The following SNRNP200 variants were observed in gnomAD, a reference collection of about 807,000 sequenced individuals.
The protein encoded by SNRNP200 is U5 small nuclear ribonucleoprotein 200 kDa helicase.
SNRNP200 carries 66 observed loss-of-function variants against 255.2 expected under a neutral mutation model. The ratio of observed to expected loss-of-function variants is 0.26; its 90% CI spans 0.21 to 0.32. SNRNP200 has a LOEUF of 0.32. Among genes scored for constraint, SNRNP200 ranks in the 10% least tolerant of loss-of-function variants. SNRNP200 has a pLI of 1.00. For synonymous variants in SNRNP200, 939 were observed against 1,027.8 expected, an observed-to-expected ratio of 0.91 and a Z score of 1.65; for missense variants, 1,585 against 2,749.8, an observed-to-expected ratio of 0.58 and a Z score of 9.47.
At chr2:96,284,702 T>A (rs1324023956) in intron 30 of SNRNP200, 117 bp from the exon 31 acceptor site, 1 of 758,516 alleles carries the variant, frequency 1.3e-6, no homozygotes, top group African/African-American at 1.7e-5. Context: ...TCAAGCTACG[T>A]TCTAATCCCA....
intron 15 of SNRNP200, 71 bp from the exon 16 acceptor site, chr2:96,293,166 T>C: frequency 6.2e-7 from 1 of 1,601,628 alleles, no homozygotes; most frequent in South Asian, 1.1e-5. Flanking sequence ...TCTTTTTCAC[T>C]GCCCCAAGAG....
rs764630830 is a variant in SNRNP200, at chr2:96,283,723, G to A, written c.4585-10C>T. The A allele has an allele frequency of 1.2e-5, 19 of 1,614,004 alleles. No homozygotes were observed. The highest frequency in any genetic ancestry group is 8.8e-5 in the South Asian group (8 of 91,082). ...GGCTGATGTTGAAGCCCTGGCGACC[G>A]GGGAGAAGAAAAGACACCAAGGTTA... On this transcript the variant is annotated splice_polypyrimidine_tract_variant and intron_variant, in intron 32 of 44. Transcript: ENST00000323853. This position sits in a 1 kb window ranked among gnomAD's most constrained non-coding sequence, Gnocchi z 4.7.
At position 96,292,000 on chromosome 2, in the gene SNRNP200, G is replaced by A. The variant is rs1227552860; in HGVS notation, c.2161-100C>T. 1.5e-6 allele frequency: 2 copies of A among 1,365,274 alleles called. No individual in the cohort carries two copies. The highest frequency in any genetic ancestry group is 1.4e-5 in the African/African-American group (1 of 70,266). 84.6% of individuals were successfully genotyped at this position (1,365,274 alleles called of 1,614,324 possible). ...TTGCACCATCACCACCAGAAGCCAAGGTCCTGGAGAGGGGCAAGGGCAGGA... is the reference window on the plus strand; with the variant it reads ...TTGCACCATCACCACCAGAAGCCAAAGTCCTGGAGAGGGGCAAGGGCAGGA... On this transcript the variant is annotated intron_variant, in intron 16 of 44. Coordinates refer to ENST00000323853, the MANE Select transcript of SNRNP200 (RefSeq NM_014014.5). This position sits in a 1 kb window ranked among gnomAD's most constrained non-coding sequence, Gnocchi z 4.2.
rs2063878211 is a variant in SNRNP200 at position 96,290,576 on chromosome 2, G to C, written c.2554-62C>G. ...AGAGAATGTCTGAATTTTGATGCAG[G>C]TATCTACATTACAGAACTAGACCTC... On this transcript the variant is annotated intron_variant, in intron 19 of 44. Coordinates refer to ENST00000323853, the MANE Select transcript of SNRNP200 (RefSeq NM_014014.5). The surrounding 1 kb of genome is among the most constrained non-coding windows in gnomAD (Gnocchi z 4.5). 6.2e-7 allele frequency: 1 copy of C among 1,611,624 alleles called. No homozygotes were observed. The highest frequency in any genetic ancestry group is 1.3e-5 in the African/African-American group (1 of 74,942).
intron 35 of SNRNP200, 127 bp from the exon 36 acceptor site, chr2:96,279,686 C>T (rs1230552339): frequency 2.9e-6 from 2 of 688,182 alleles, no homozygotes; most frequent in Admixed American, 2.0e-5. Flanking sequence ...AATCACGGGA[C>T]GACTCTGTTT....
chr2:96,296,389 A>T, intron 13 of SNRNP200, 147 bp downstream of exon 13: 1 of 811,012 alleles, frequency 1.2e-6, no homozygotes, highest in South Asian at 1.6e-5. Flanking sequence ...CCATCTTGGA[A>T]ATGGGGAGAG....
Position 96,283,839 on chromosome 2 carries a change from G to T in SNRNP200, c.4558C>A (p.Pro1520Thr). ...STFNFHPNVR[P>T]VPLELHIQGF... ...TGGATGTGCAGCTCCAAGGGGACGG[G>T]ACGCACATTGGGATGGAAGTTGAAG... Residue 1520 changes from proline to threonine, a missense_variant, in exon 32 of 45, where the codon CCC (proline) becomes ACC (threonine). Pro to Thr is a conservative substitution (Grantham distance 38, BLOSUM62 -1). Transcript: ENST00000323853. This position sits in a 1 kb window ranked among gnomAD's most constrained non-coding sequence, Gnocchi z 4.7. The T allele has an allele frequency of 6.2e-7, 1 of 1,605,500 alleles. No individual in the cohort carries two copies. Among genetic ancestry groups the T allele is most frequent in the Non-Finnish European group, 8.5e-7 (1 of 1,175,840 alleles).
chr2:96,300,957 A>T (rs931056826), intron 5 of SNRNP200, 41 bp downstream of exon 5: 10 of 1,568,094 alleles, frequency 6.4e-6, no homozygotes, highest in African/African-American at 1.4e-5. Flanking sequence ...ACCTTAATCA[A>T]CGTCAAAAAC....
At position 96,304,785 on chromosome 2, in the gene SNRNP200, A is replaced by G; in HGVS notation, c.129T>C (p.Leu43=). Residue 43 remains leucine, a synonymous_variant, in exon 2 of 45, where the codon CTT becomes CTC. Coordinates refer to ENST00000323853, the MANE Select transcript of SNRNP200 (RefSeq NM_014014.5). ...RDEPTGEVLS[L]VGKLEGTRMG... ...TACGGGTGCCCTCCAGCTTCCCAAC[A>G]AGGGACAGCACCTCTCCTGTGGGTT... 6.2e-7 allele frequency: 1 copy of G among 1,614,176 alleles called. No individual in the cohort carries two copies. The highest frequency in any genetic ancestry group is 8.5e-7 in the Non-Finnish European group (1 of 1,180,026).
Position 96,289,285 on chromosome 2 carries a change from A to G in SNRNP200, c.3035T>C (p.Ile1012Thr), listed in dbSNP as rs1434235019. The G allele has an allele frequency of 1.9e-6, 3 of 1,614,198 alleles. No individual in the cohort carries two copies. The highest frequency in any genetic ancestry group is 2.5e-6 in the Non-Finnish European group (3 of 1,180,022). ...CAATGAGAAGACCCTGAAAAGCTCA[A>G]TCTCACTCAGGGTGGGCTTCAGCAG... ...NQLLKPTLSEIELFRVFSLSS... is the reference protein window; with the variant it reads ...NQLLKPTLSETELFRVFSLSS... Residue 1012 changes from isoleucine to threonine, a missense_variant, in exon 22 of 45, where the codon ATT becomes ACT. Ile to Thr is a moderately conservative substitution (Grantham distance 89). This residue lies in a region of SNRNP200 where 719 missense variants were observed against 1,091.1 expected (regional missense o/e 0.66). Coordinates refer to ENST00000323853, the MANE Select transcript of SNRNP200 (RefSeq NM_014014.5).
At position 96,274,854 on chromosome 2, in the gene SNRNP200, G is replaced by A; in HGVS notation, c.*158C>T. On this transcript the variant is annotated 3_prime_UTR_variant, in exon 45 of 45. Transcript: ENST00000323853. ...CCTGCTGTCACTGGATCCAGAGTGA[G>A]CAAGGGAAAGGAAGTGGAGGTAGGC... 1 of 786,952 alleles carries A rather than the reference G, an allele frequency of 1.3e-6. No homozygotes were observed. Among genetic ancestry groups the A allele is most frequent in the Admixed American group, 1.8e-5 (1 of 54,932 alleles). The allele number at this position is 786,952 out of a possible 1,614,324, so 48.7% of individuals were successfully genotyped here.
rs76499076 is a variant in SNRNP200 at position 96,279,046 on chromosome 2, C to T, written c.5134-48G>A. ...GAGTAATAAAGAATTAGTGACAACA[C>T]GGTCACAGAGGGCCAAGGGCAAATC... On this transcript the variant is annotated intron_variant, in intron 36 of 44. Coordinates refer to ENST00000323853, the MANE Select transcript of SNRNP200 (RefSeq NM_014014.5). 166 of 1,508,660 alleles carry T rather than the reference C, an allele frequency of 1.1e-4. 1 individual carries two copies. In the East Asian group the frequency reaches 3.3e-3, roughly 30 times the overall value. 93.5% of individuals were successfully genotyped at this position (1,508,660 alleles called of 1,614,324 possible). A position where few individuals can be genotyped will look rare whatever the true frequency, so the allele number is the denominator to read the frequency against.
Position 96,289,255 on chromosome 2 carries a change from G to C in SNRNP200, c.3065C>G (p.Ser1022Cys). Residue 1022 changes from serine to cysteine, a missense_variant, in exon 22 of 45, where the codon TCT (serine) becomes TGT (cysteine). Around this residue, in one of 9 missense-constraint regions of SNRNP200, gnomAD observed 719 missense variants for 1,091.1 expected, o/e 0.66. Transcript: ENST00000323853. ...TCTCACTGTGATGTTCTTGAACTCA[G>C]AGGACAATGAGAAGACCCTGAAAAG... ...IELFRVFSLS[S>C]EFKNITVREE... is the part of the protein sequence containing the mutation. The C allele has an allele frequency of 6.2e-7, 1 of 1,614,238 alleles. No homozygotes were observed. Among genetic ancestry groups the C allele is most frequent in the Non-Finnish European group, 8.5e-7 (1 of 1,180,046 alleles).
rs750401461 is a variant in SNRNP200, at chr2:96,291,875, T to C, written c.2186A>G (p.Lys729Arg). 3 of 1,614,168 alleles carry C rather than the reference T, an allele frequency of 1.9e-6. No homozygotes were observed. The highest frequency in any genetic ancestry group is 1.7e-6 in the Non-Finnish European group (2 of 1,180,036). The change falls in exon 17 of 45, where the codon AAG becomes AGG. Residue 729 changes from lysine (K) to arginine (R), a missense_variant. Transcript: ENST00000323853. This position sits in a 1 kb window ranked among gnomAD's most constrained non-coding sequence, Gnocchi z 4.2. ...GGCCCTGGCTGTCTTTCCAGTCTCC[T>C]TCCGGGAGTGGACAAACACCAGCAC... ...NQVLVFVHSR[K>R]ETGKTARAIR...
chr2:96,302,895 C>A (rs1256029330), intron 3 of SNRNP200, among the ~76,000 whole-genome samples: 1 of 152,206 alleles, frequency 6.6e-6, no homozygotes, highest in African/African-American at 2.4e-5. Flanking sequence ...AGGCGCACCA[C>A]CCTCCAGAAA....
intron 5 of SNRNP200, among the ~76,000 whole-genome samples, chr2:96,299,919 A>G (rs766645691): frequency 2.6e-5 from 4 of 152,254 alleles, no homozygotes; most frequent in Non-Finnish European, 4.4e-5. Context: ...CTAAAAGCAA[A>G]GCAGTTTGTT....
intron 3 of SNRNP200, among the ~76,000 whole-genome samples, chr2:96,301,963 G>A (rs750057042): frequency 1.3e-5 from 2 of 152,168 alleles, no homozygotes; most frequent in African/African-American, 4.8e-5. Context: ...CACTCCAGGT[G>A]GTAGTCACTT....
At chr2:96,289,474 C>T (rs1225898687) in intron 21 of SNRNP200, 95 bp from the exon 22 acceptor site, 4 of 1,387,692 alleles carry the variant, frequency 2.9e-6, no homozygotes, top group Non-Finnish European at 4.1e-6. Context: ...GTTTTTTGTA[C>T]TTTTTTTTTG....
chr2:96,287,920 C>T lies in SNRNP200; in HGVS notation c.3308G>A (p.Gly1103Asp), dbSNP rs774478481. ...RAIFEIVLNR[G>D]WAQLTDKTLN... Reference sequence around the variant, plus strand: ...GGTCTTGTCTGTAAGCTGTGCCCAACCTCGGTTCAGGACAATTTCAAATAT... The same window carrying T: ...GGTCTTGTCTGTAAGCTGTGCCCAATCTCGGTTCAGGACAATTTCAAATAT... The change falls in exon 25 of 45, where the codon GGT becomes GAT. Residue 1103 changes from glycine (G) to aspartate (D), a missense_variant. Gly to Asp is a moderately conservative substitution (Grantham distance 94). Transcript: ENST00000323853. This position sits in a 1 kb window ranked among gnomAD's most constrained non-coding sequence, Gnocchi z 5.7. 6.8e-6 allele frequency: 11 copies of T among 1,614,106 alleles called. No homozygotes were observed. In the South Asian group the frequency reaches 9.9e-5, roughly 14 times the overall value.
Sources: gnomAD v4.1 joint callset for allele counts (sites outside exome capture counted in the v4.1 genomes callset) on GRCh38, gnomAD v4.1.1 for gene constraint, gnomAD v4.1.1 regional missense constraint, Gnocchi (gnomAD v3.1) non-coding constraint, MANE v1.5 for transcripts, NCBI Gene and HGNC (gene_info 2026-07-23, HGNC 2026-07-21) for gene names.